IGSF11: variants seen among roughly 807,000 people sequenced by gnomAD.
IGSF11 encodes the protein immunoglobulin superfamily member 11.
A neutral mutation model predicts 41.0 loss-of-function variants in IGSF11; 22 were observed. The ratio of observed to expected loss-of-function variants is 0.54; its 90% confidence interval spans 0.38 to 0.77. The LOEUF (loss-of-function observed/expected upper bound fraction) is 0.77. Ranked by LOEUF, IGSF11 falls within the 30% of genes least tolerant of loss-of-function variation. IGSF11 has a pLI of 0.00. For missense variants in IGSF11, 444 were observed against 530.8 expected, an observed-to-expected ratio of 0.84 and a Z score of 1.61; for synonymous variants, 219 against 201.3, an observed-to-expected ratio of 1.09 and a Z score of -0.74.
upstream of IGSF11, among the ~76,000 whole-genome samples, chr3:119,107,329 T>C (rs2077049280): frequency 6.6e-6 from 1 of 152,258 alleles, no homozygotes; most frequent in Non-Finnish European, 1.5e-5. Flanking sequence ...TGCATTTCTC[T>C]GATGGCCAGT....
intron 1 of IGSF11, among the ~76,000 whole-genome samples, chr3:119,056,229 A>T (rs1941828667): frequency 6.6e-6 from 1 of 152,200 alleles, no homozygotes; most frequent in Non-Finnish European, 1.5e-5. Flanking sequence ...TGCTAGCAAG[A>T]CTAATACAGA....
Position 119,120,276 on chromosome 3 carries a change from A to G in IGSF11, c.-13-15071T>C, listed in dbSNP as rs540545620. 5.9e-5 allele frequency among the ~76,000 whole-genome samples: 9 copies of G among 152,340 alleles called. No homozygotes were observed. The East Asian group carries it at 9.6e-4, about 16-fold the overall frequency. On this transcript the variant is annotated intron_variant, in intron 1 of 7. Coordinates refer to the IGSF11 transcript ENST00000425327. The stretch of plus-strand genomic sequence containing the variant: ...AAGCCAGGGCTTAAAAACAAAAGCA[A>G]TAACTTAAAAAAATAAAAGCAGCAA...
intron 1 of IGSF11, among the ~76,000 whole-genome samples, chr3:119,074,688 T>C (rs946275311): frequency 9.9e-5 from 15 of 151,382 alleles, no homozygotes; most frequent in Admixed American, 9.2e-4. Context: ...CTGTCTCTAC[T>C]AAAAATACAA....
At chr3:118,927,327 G>A (rs1405699500) in intron 3 of IGSF11, among the ~76,000 whole-genome samples, 1 of 151,872 alleles carries the variant, frequency 6.6e-6, no homozygotes, top group Non-Finnish European at 1.5e-5. Flanking sequence ...AGTTAAGTCT[G>A]GACAAACAAA....
intron 1 of IGSF11, among the ~76,000 whole-genome samples, chr3:119,087,234 T>A (rs1335003047): frequency 6.6e-6 from 1 of 152,198 alleles, no homozygotes. Context: ...AGTAGGTATC[T>A]ACCCAGAGGA....
chr3:119,114,129 G>A (rs1576818485), intron 1 of IGSF11, among the ~76,000 whole-genome samples: 1 of 152,354 alleles, frequency 6.6e-6, no homozygotes, highest in South Asian at 2.1e-4. Context: ...TGTGATGGGA[G>A]GGGCTGCTGC....
intron 1 of IGSF11, among the ~76,000 whole-genome samples, chr3:119,085,056 C>T (rs531665705): frequency 1.1e-4 from 16 of 152,282 alleles, no homozygotes; most frequent in Middle Eastern, 3.4e-3. Context: ...GGAGCCTCAA[C>T]GCCCAAAAGA....
At chr3:118,972,470 G>A (rs191775308) in intron 1 of IGSF11, among the ~76,000 whole-genome samples, 53 of 152,206 alleles carry the variant, frequency 3.5e-4, no homozygotes, top group African/African-American at 1.3e-3. Context: ...TGCAGGTTCC[G>A]TAGGGGCAAA....
chr3:118,924,876 A>T (rs1253490882), intron 4 of IGSF11, among the ~76,000 whole-genome samples: 1 of 152,178 alleles, frequency 6.6e-6, no homozygotes, highest in Non-Finnish European at 1.5e-5. Flanking sequence ...AGAGAAGTGA[A>T]CTGTTACAGA....
chr3:119,110,904 T>C (rs2077144822), intron 1 of IGSF11, among the ~76,000 whole-genome samples: 1 of 151,890 alleles, frequency 6.6e-6, no homozygotes, highest in South Asian at 2.1e-4. Flanking sequence ...TCTTTAAGAA[T>C]GTTGAATATT....
intron 1 of IGSF11, among the ~76,000 whole-genome samples, chr3:119,042,776 G>A (rs1323336522): frequency 2.6e-5 from 4 of 152,132 alleles, no homozygotes; most frequent in Non-Finnish European, 4.4e-5. Flanking sequence ...CCTGCCAAAT[G>A]TAGGGCAAGA....
At chr3:119,030,626 G>C (rs1406963877) in intron 1 of IGSF11, among the ~76,000 whole-genome samples, 1 of 152,116 alleles carries the variant, frequency 6.6e-6, no homozygotes, top group Admixed American at 6.5e-5. Context: ...CCACTTTTAA[G>C]ACCAAACTCA....
chr3:119,096,396 A>G (rs1202689980), intron 1 of IGSF11, among the ~76,000 whole-genome samples: 1 of 152,172 alleles, frequency 6.6e-6, no homozygotes, highest in African/African-American at 2.4e-5. Context: ...ATACACACAT[A>G]TACAGCCATA....
exon 1 of IGSF11, chr3:119,145,857 A>C: frequency 3.9e-6 from 1 of 255,906 alleles, no homozygotes. Context: ...AACCTCTGTG[A>C]ACAAGGAAGA....
chr3:119,058,211 T>C lies in IGSF11; in HGVS notation c.49+46933A>G, dbSNP rs1435829856. On this transcript the variant is annotated intron_variant, in intron 1 of 6. Transcript: ENST00000354673. ...AACCTACAAAATGGGAGAAAATTTT[T>C]GCAACCTACTCATCTGACAAAGGGC... 1.1e-4 allele frequency among the ~76,000 whole-genome samples: 16 copies of C among 151,928 alleles called. No homozygotes were observed. In the East Asian group the frequency reaches 1.7e-3, roughly 16 times the overall value.
At chr3:118,998,742 T>G (rs1226591065) in intron 1 of IGSF11, among the ~76,000 whole-genome samples, 1 of 152,172 alleles carries the variant, frequency 6.6e-6, no homozygotes, top group East Asian at 1.9e-4. Context: ...TGCCTCAATA[T>G]AACCTTAAAT....
At chr3:119,019,188 G>A (rs577261577) in intron 1 of IGSF11, among the ~76,000 whole-genome samples, 1 of 151,864 alleles carries the variant, frequency 6.6e-6, no homozygotes. Context: ...GTCAAAATTG[G>A]TGCATCTGGC....
At chr3:118,992,231 T>C (rs1935857401) in intron 1 of IGSF11, among the ~76,000 whole-genome samples, 1 of 152,186 alleles carries the variant, frequency 6.6e-6, no homozygotes, top group Admixed American at 6.5e-5. Context: ...ATAAGAAAGA[T>C]GACTATTGTT....
intron 1 of IGSF11, among the ~76,000 whole-genome samples, chr3:118,964,046 C>G (rs185757813): frequency 5.1e-4 from 77 of 152,204 alleles, no homozygotes; most frequent in African/African-American, 1.8e-3. Context: ...ACCTTCTATA[C>G]CTTACTTTCT....
Sources: gnomAD v4.1 joint callset for allele counts (sites outside exome capture counted in the v4.1 genomes callset) on GRCh38, gnomAD v4.1.1 for gene constraint, MANE v1.5 for transcripts, NCBI Gene and HGNC (gene_info 2026-07-23, HGNC 2026-07-21) for gene names.